Variants in SLC2A13 observed in about 807,000 individuals in gnomAD.
SLC2A13 encodes the protein solute carrier family 2 member 13.
Under a neutral mutation model 64.4 loss-of-function variants are expected in SLC2A13, and 32 were observed. That is an observed-to-expected ratio of 0.50 (90% CI 0.37 to 0.67). The LOEUF is 0.67. Ranked by LOEUF, SLC2A13 falls within the 30% of genes least tolerant of loss-of-function variation. SLC2A13 has a pLI of 0.00. For missense variants in SLC2A13, 743 were observed against 829.2 expected (o/e 0.90, Z 1.28); for synonymous variants, 338 against 327.1 (o/e 1.03, Z -0.36).
At chr12:39,880,560 C>A (rs1389809511) in intron 4 of SLC2A13, among the ~76,000 whole-genome samples, 2 of 152,074 alleles carry the variant, frequency 1.3e-5, no homozygotes, top group Non-Finnish European at 2.9e-5. Context: ...ATACAAAAAT[C>A]ATAGAAACCT....
intron 3 of SLC2A13, among the ~76,000 whole-genome samples, chr12:39,979,373 C>A (rs1263037029): frequency 6.8e-6 from 1 of 147,984 alleles, no homozygotes; most frequent in African/African-American, 2.5e-5. Context: ...TCAAATTACT[C>A]TGAGCTACGG....
intron 3 of SLC2A13, among the ~76,000 whole-genome samples, chr12:40,014,784 C>T (rs955020071): frequency 2.0e-5 from 3 of 152,154 alleles, no homozygotes; most frequent in Non-Finnish European, 2.9e-5. Context: ...TGAGCCACCA[C>T]GCCAGCCAAA....
At chr12:39,870,085 A>G (rs1300545520) in intron 5 of SLC2A13, among the ~76,000 whole-genome samples, 2 of 152,212 alleles carry the variant, frequency 1.3e-5, no homozygotes, top group East Asian at 3.8e-4. Context: ...AAAGTGTTTT[A>G]CTGGAATACC....
intron 4 of SLC2A13, among the ~76,000 whole-genome samples, chr12:39,913,610 T>C (rs1945468328): frequency 6.6e-6 from 1 of 151,636 alleles, no homozygotes; most frequent in Non-Finnish European, 1.5e-5. Flanking sequence ...AAATGAAATA[T>C]TAAGTAGCAA....
At chr12:39,824,087 AGGT>A (rs993110381) in intron 7 of SLC2A13, among the ~76,000 whole-genome samples, 7 of 152,224 alleles carry the variant, frequency 4.6e-5, no homozygotes, top group African/African-American at 1.7e-4. Flanking sequence ...AAAACACCAA[AGGT>A]TTAAAAACAA....
intron 4 of SLC2A13, among the ~76,000 whole-genome samples, chr12:39,925,053 T>TTTC (rs1491231030): frequency 7.8e-6 from 1 of 128,056 alleles, no homozygotes; most frequent in Non-Finnish European, 1.7e-5. Flanking sequence ...TTTTTTTTTT[T>TTTC]GAGGAAGAGT....
chr12:39,949,104 A>G (rs900138792), intron 4 of SLC2A13, among the ~76,000 whole-genome samples: 1 of 152,226 alleles, frequency 6.6e-6, no homozygotes, highest in Non-Finnish European at 1.5e-5. Context: ...ATTACAGTGT[A>G]TCATAATGAC....
chr12:39,769,589 C>T (rs1008075826), intron 7 of SLC2A13, among the ~76,000 whole-genome samples: 7 of 151,938 alleles, frequency 4.6e-5, no homozygotes. Flanking sequence ...AGTCTGTCAC[C>T]CTTTCTGAGG....
At chr12:40,007,285 T>C (rs1438619355) in intron 3 of SLC2A13, among the ~76,000 whole-genome samples, 3 of 152,192 alleles carry the variant, frequency 2.0e-5, no homozygotes, top group Non-Finnish European at 4.4e-5. Context: ...ATATTTTCTA[T>C]AAAAAACTTG....
intron 1 of SLC2A13, among the ~76,000 whole-genome samples, chr12:40,092,724 C>T (rs984177959): frequency 5.9e-5 from 9 of 152,170 alleles, no homozygotes; most frequent in African/African-American, 1.7e-4. Context: ...TTTCAACTTC[C>T]GTATCTCCAT....
intron 3 of SLC2A13, among the ~76,000 whole-genome samples, chr12:40,023,579 TG>T (rs1237588188): frequency 1.3e-4 from 20 of 152,260 alleles, no homozygotes; most frequent in Admixed American, 1.3e-3. Context: ...CTGTCTCTTC[TG>T]TTGGTTGATT....
At chr12:40,053,688 A>T (rs1361570641) in intron 1 of SLC2A13, among the ~76,000 whole-genome samples, 1 of 152,168 alleles carries the variant, frequency 6.6e-6, no homozygotes, top group African/African-American at 2.4e-5. Context: ...ACTGAGTATG[A>T]TTAATTGTAT....
intron 1 of SLC2A13, among the ~76,000 whole-genome samples, chr12:40,073,688 C>A (rs1432616965): frequency 6.6e-6 from 1 of 151,956 alleles, no homozygotes; most frequent in East Asian, 1.9e-4. Flanking sequence ...ATTCTCTCAA[C>A]ACTTTAAATA....
At chr12:40,010,580 C>T in intron 3 of SLC2A13, among the ~76,000 whole-genome samples, 1 of 152,076 alleles carries the variant, frequency 6.6e-6, no homozygotes, top group East Asian at 1.9e-4. Flanking sequence ...AATATAGAAT[C>T]CATCTAATTT....
intron 2 of SLC2A13, among the ~76,000 whole-genome samples, chr12:40,032,544 C>T (rs543177998): frequency 6.6e-6 from 1 of 152,298 alleles, no homozygotes; most frequent in African/African-American, 2.4e-5. Context: ...AGAACAATCC[C>T]ACCAATTTCA....
At position 39,830,044 on chromosome 12, in the gene SLC2A13, A is replaced by G. The variant is rs770271604; in HGVS notation, c.1445+59T>C. ...TAAGTGCAAGCACTCTGAAAACTTA[A>G]ACATAAGCCTCGTTTTGAAATATTA... On this transcript the variant is annotated intron_variant, in intron 7 of 9. Transcript: ENST00000280871. 1.9e-6 allele frequency: 3 copies of G among 1,607,408 alleles called. No homozygotes were observed. The South Asian group carries it at 3.3e-5, about 18-fold the overall frequency.
intron 3 of SLC2A13, among the ~76,000 whole-genome samples, chr12:39,956,353 T>C (rs948568512): frequency 6.6e-6 from 1 of 152,336 alleles, no homozygotes; most frequent in East Asian, 1.9e-4. Context: ...GGCAGCAATA[T>C]GTTCACTTGC....
chr12:39,988,721 G>GGAAA (rs1947079790), intron 3 of SLC2A13, among the ~76,000 whole-genome samples: 1 of 127,456 alleles, frequency 7.8e-6, no homozygotes, highest in African/African-American at 3.0e-5. Flanking sequence ...AAGGAAGGAA[G>GGAAA]GAAGGAAGGG....
chr12:40,000,331 CT>C (rs10715229), intron 3 of SLC2A13, among the ~76,000 whole-genome samples: 48,039 of 152,032 alleles, frequency 0.32, 7,706 homozygotes, highest in African/African-American at 0.35. Context: ...AACCCAAAAA[CT>C]TACAGGCTGT....
Sources: gnomAD v4.1 joint callset for allele counts (sites outside exome capture counted in the v4.1 genomes callset) on GRCh38, gnomAD v4.1.1 for gene constraint, MANE v1.5 for transcripts, NCBI Gene and HGNC (gene_info 2026-07-23, HGNC 2026-07-21) for gene names.